Variants in SOX6 observed in about 807,000 individuals in gnomAD.
SOX6 encodes SRY-box transcription factor 6.
A neutral mutation model predicts 97.8 loss-of-function variants in SOX6; 11 were observed. The ratio of observed to expected loss-of-function variants is 0.11; its 90% CI spans 0.07 to 0.19. SOX6 has a LOEUF of 0.19. Among genes scored for constraint, SOX6 ranks in the 10% least tolerant of loss-of-function variants. The probability of loss-of-function intolerance (pLI) is 1.00; values close to 1 mark genes in which losing one functional copy is unlikely to be tolerated. For missense variants in SOX6, 810 were observed against 1,039.5 expected (o/e 0.78, Z 3.04); for synonymous variants, 360 against 371.4 (o/e 0.97, Z 0.35).
chr11:16,439,893 G>T (rs768635037), intron 1 of SOX6, among the ~76,000 whole-genome samples: 5 of 152,084 alleles, frequency 3.3e-5, no homozygotes, highest in Admixed American at 1.3e-4. Context: ...TCTCTATAAA[G>T]TGTAAACACA....
intron 3 of SOX6, among the ~76,000 whole-genome samples, chr11:16,253,527 A>T (rs1351912208): frequency 1.3e-5 from 2 of 152,092 alleles, no homozygotes; most frequent in Non-Finnish European, 2.9e-5. Context: ...GAGAGACATA[A>T]ATCTAAGAAA....
intron 1 of SOX6, among the ~76,000 whole-genome samples, chr11:16,404,584 A>G (rs1858644535): frequency 6.6e-6 from 1 of 151,956 alleles, no homozygotes; most frequent in Admixed American, 6.6e-5. Flanking sequence ...ATCACATTGT[A>G]TGCCCACAAC....
chr11:16,261,859 A>G (rs1853908837), intron 3 of SOX6, among the ~76,000 whole-genome samples: 1 of 152,164 alleles, frequency 6.6e-6, no homozygotes, highest in Non-Finnish European at 1.5e-5. Context: ...AGCTGAAAGT[A>G]TGCTTTTGAA....
chr11:15,997,032 T>C (rs1279444455), intron 13 of SOX6, among the ~76,000 whole-genome samples: 1 of 152,114 alleles, frequency 6.6e-6, no homozygotes, highest in Non-Finnish European at 1.5e-5. Context: ...TGCCAGTATT[T>C]GGACTGAAAG....
intron 12 of SOX6, among the ~76,000 whole-genome samples, chr11:16,027,792 C>T (rs1405781118): frequency 2.6e-5 from 4 of 152,118 alleles, no homozygotes; most frequent in South Asian, 2.1e-4. Flanking sequence ...ATGCTCACCG[C>T]GCATCTAGAT....
intron 3 of SOX6, among the ~76,000 whole-genome samples, chr11:16,614,152 T>G (rs1189610159): frequency 6.6e-6 from 1 of 151,986 alleles, no homozygotes; most frequent in Non-Finnish European, 1.5e-5. Context: ...AAACACTAAC[T>G]CCCAGGGCAG....
rs1458711739 is a variant in SOX6 at position 16,610,941 on chromosome 11, C to T, written n.609+1140G>A. On this transcript the variant is annotated intron_variant and non_coding_transcript_variant, in intron 4 of 5. Transcript: ENST00000524520. The surrounding 1 kb of genome is among the most constrained non-coding windows in gnomAD (Gnocchi z 4.4). The stretch of plus-strand genomic sequence containing the variant: ...GATCCAGGAACTCATAAGCTCACAT[C>T]CCCTGGGGGTTGGAGCCCCACGCGG... Among the ~76,000 whole-genome samples, 2 of 152,212 alleles carry T rather than the reference C, an allele frequency of 1.3e-5. No homozygotes were observed. Among genetic ancestry groups the T allele is most frequent in the South Asian group, 2.1e-4 (1 of 4,832 alleles).
chr11:16,397,406 T>A (rs1450139404), intron 1 of SOX6: 4 of 151,992 alleles, frequency 2.6e-5, no homozygotes, highest in Non-Finnish European at 4.4e-5. Context: ...AACATTCTAA[T>A]CATTTTAAAA....
intron 13 of SOX6, among the ~76,000 whole-genome samples, chr11:16,009,619 C>T (rs554090837): frequency 2.0e-5 from 3 of 152,066 alleles, no homozygotes; most frequent in Non-Finnish European, 2.9e-5. Flanking sequence ...TCTTCAGACT[C>T]TCAGAGGCAT....
At chr11:16,612,645 C>G (rs1848413164) in intron 3 of SOX6, among the ~76,000 whole-genome samples, 1 of 152,062 alleles carries the variant, frequency 6.6e-6, no homozygotes, top group Admixed American at 6.5e-5. Context: ...AGTATACTAC[C>G]TTGCTCAAAA....
chr11:16,385,662 T>G (rs1445487111), intron 1 of SOX6, among the ~76,000 whole-genome samples: 1 of 152,094 alleles, frequency 6.6e-6, no homozygotes, highest in Admixed American at 6.6e-5. Context: ...AAATGCAAAC[T>G]CCTGTGATCA....
At chr11:16,638,100 C>T (rs1251924371) in intron 3 of SOX6, among the ~76,000 whole-genome samples, 2 of 136,496 alleles carry the variant, frequency 1.5e-5, no homozygotes, top group Non-Finnish European at 1.5e-5. Context: ...GTTCCCCTTC[C>T]TGTGTCCAAG....
intron 1 of SOX6, among the ~76,000 whole-genome samples, chr11:16,394,359 T>C (rs1009017070): frequency 1.3e-5 from 2 of 151,866 alleles, no homozygotes; most frequent in African/African-American, 4.8e-5. Flanking sequence ...AAGTGAGACG[T>C]TCTATAAATC....
rs115817181 is a variant in SOX6 at position 16,135,659 on chromosome 11, C to A, written c.778-23736G>T. ...TAAAACCTTAATGGATGTGAAGTTG[C>A]GCCTTATAGGTGAGCAAAGAAGCTG... On this transcript the variant is annotated intron_variant, in intron 6 of 15. Transcript: ENST00000683767. Among the ~76,000 whole-genome samples, 677 of 152,218 alleles carry A rather than the reference C, an allele frequency of 4.4e-3. 3 individuals are homozygous for A. Among genetic ancestry groups the A allele is most frequent in the African/African-American group, 0.016 (645 of 41,518 alleles).
At chr11:16,416,238 A>C (rs1858924694) in intron 1 of SOX6, among the ~76,000 whole-genome samples, 1 of 152,216 alleles carries the variant, frequency 6.6e-6, no homozygotes, top group Non-Finnish European at 1.5e-5. Flanking sequence ...GACTTTTGCC[A>C]AGCTCCCTGT....
intron 4 of SOX6, among the ~76,000 whole-genome samples, chr11:16,562,602 A>G (rs563669561): frequency 5.9e-5 from 9 of 152,180 alleles, no homozygotes; most frequent in Non-Finnish European, 1.2e-4. Flanking sequence ...TTAATGAGGT[A>G]CCCAATACCC....
chr11:16,046,561 G>T lies in SOX6; in HGVS notation c.1576C>A (p.Leu526Met). Residue 526 changes from leucine (L) to methionine (M), a missense_variant, in exon 12 of 16, where the codon CTG becomes ATG. By Grantham distance (15) the Leu-to-Met change is conservative. Around this residue, in one of 9 missense-constraint regions of SOX6, gnomAD observed 120 missense variants for 127.0 expected, o/e 0.94. Transcript: ENST00000683767. Reference protein sequence around the residue: ...QQQPHGVDGKLSSINNMGLNS... With the variant: ...QQQPHGVDGKMSSINNMGLNS... Reference sequence around the variant, plus strand: ...AGCCCCATATTATTTATGGAGGACAGTTTCCCGTCAACACCATGTGGCTGT... The same window carrying T: ...AGCCCCATATTATTTATGGAGGACATTTTCCCGTCAACACCATGTGGCTGT... The T allele has an allele frequency of 9.3e-6, 15 of 1,613,722 alleles. No homozygotes were observed. Among genetic ancestry groups the T allele is most frequent in the Non-Finnish European group, 1.3e-5 (15 of 1,179,780 alleles).
chr11:16,552,240 G>A (rs991521291), intron 4 of SOX6, among the ~76,000 whole-genome samples: 3 of 151,932 alleles, frequency 2.0e-5, no homozygotes, highest in Non-Finnish European at 4.4e-5. Context: ...AAAACTCTCT[G>A]AATCATAAAA....
chr11:16,703,093 TTA>T (rs1287699645), intron 3 of SOX6, among the ~76,000 whole-genome samples: 1 of 151,876 alleles, frequency 6.6e-6, no homozygotes, highest in Non-Finnish European at 1.5e-5. Context: ...AAAATGTATC[TTA>T]TATGTTTGTA....
Sources: gnomAD v4.1 joint callset for allele counts (sites outside exome capture counted in the v4.1 genomes callset) on GRCh38, gnomAD v4.1.1 for gene constraint, gnomAD v4.1.1 regional missense constraint, Gnocchi (gnomAD v3.1) non-coding constraint, MANE v1.5 for transcripts, NCBI Gene and HGNC (gene_info 2026-07-23, HGNC 2026-07-21) for gene names.